Variants in GCKR observed in about 807,000 individuals in gnomAD.
GCKR encodes glucokinase regulator.
A neutral mutation model predicts 82.9 loss-of-function variants in GCKR; 73 were observed. The observed-to-expected ratio is 0.88, with a 90% confidence interval of 0.73 to 1.07. The LOEUF is 1.07. Ranked by LOEUF, GCKR falls within the 50% of genes least tolerant of loss-of-function variation. The pLI, the probability that GCKR is intolerant of heterozygous loss-of-function variation, is 0.00. For synonymous variants in GCKR, 294 were observed against 291.8 expected, an observed-to-expected ratio of 1.01 and a Z score of -0.08; for missense variants, 784 against 782.1, an observed-to-expected ratio of 1.00 and a Z score of -0.03.
At chr2:27,501,382 G>GT (rs2148580726) in intron 8 of GCKR, among the ~76,000 whole-genome samples, 153 bp downstream of exon 8, 1 of 152,342 alleles carries the variant, frequency 6.6e-6, no homozygotes, top group Non-Finnish European at 1.5e-5. Flanking sequence ...AGCTTATAAG[G>GT]TTTTTTGTTT....
Position 27,505,851 on chromosome 2 carries a change from G to A in GCKR, c.869+15G>A, listed in dbSNP as rs1324754028. The A allele has an allele frequency of 7.6e-7, 1 of 1,310,392 alleles. No homozygotes were observed. The highest frequency in any genetic ancestry group is 1.1e-6 in the Non-Finnish European group (1 of 902,536). The allele number at this position is 1,310,392 out of a possible 1,614,324, so 81.2% of individuals were successfully genotyped here. ...GCATCTCAAAGGTAGGGAGGATCTG[G>A]ATAAGAGAGAGCTCAGAGTCAGGCG... On this transcript the variant is annotated intron_variant, in intron 10 of 18. Coordinates refer to ENST00000264717, the MANE Select transcript of GCKR (RefSeq NM_001486.4).
intron 9 of GCKR, 50 bp from the exon 10 acceptor site, chr2:27,505,668 C>T (rs753840093): frequency 1.5e-5 from 14 of 964,086 alleles, no homozygotes; most frequent in Admixed American, 3.4e-5. Context: ...AAGTGGTCTA[C>T]GGGGTCTTCA....
intron 16 of GCKR, 138 bp downstream of exon 16, chr2:27,508,389 T>TGGGTTACC (rs1669803536): frequency 1.4e-6 from 1 of 695,564 alleles, no homozygotes; most frequent in East Asian, 2.6e-5. Flanking sequence ...GGCAAGGTCA[T>TGGGTTACC]GGGTTACCAG....
chr2:27,500,978 C>T (rs1381040998), intron 7 of GCKR, among the ~76,000 whole-genome samples, 157 bp from the exon 8 acceptor site: 1 of 152,236 alleles, frequency 6.6e-6, no homozygotes, highest in Non-Finnish European at 1.5e-5. Flanking sequence ...TTGTTAAAAA[C>T]GTGCTCCCCC....
In GCKR at chr2:27,506,883, C is replaced by A; in HGVS notation, c.1064C>A (p.Ala355Asp). Residue 355 changes from alanine (A) to aspartate (D), a missense_variant and splice_region_variant, in exon 12 of 19, where the codon GCT becomes GAT. Coordinates refer to ENST00000264717, the MANE Select transcript of GCKR (RefSeq NM_001486.4). ...DGVECIHTFG[A>D]DFRDVRGFLI... ...GTAGAGTGCATCCACACCTTTGGTG[C>A]TGGTGGGACCCCAGTCCAGATGTTC... is the stretch of plus-strand genomic sequence containing the variant. The A allele has an allele frequency of 6.3e-7, 1 of 1,585,816 alleles. No individual in the cohort carries two copies. The highest frequency in any genetic ancestry group is 8.7e-7 in the Non-Finnish European group (1 of 1,154,186).
chr2:27,506,389 G>A (rs952179466), intron 10 of GCKR, 92 bp from the exon 11 acceptor site: 1 of 836,114 alleles, frequency 1.2e-6, no homozygotes, highest in African/African-American at 1.7e-5. Context: ...AGTTCTAAGG[G>A]AGCTGTGCCT....
At chr2:27,513,997 G>A (rs1669947027) in intron 16 of GCKR, among the ~76,000 whole-genome samples, 1 of 150,436 alleles carries the variant, frequency 6.6e-6, no homozygotes, top group Non-Finnish European at 1.5e-5. Flanking sequence ...CAAAACCACT[G>A]ACCCAGGCTC....
At chr2:27,519,894 A>T (rs1430279306) in intron 17 of GCKR, among the ~76,000 whole-genome samples, 1 of 152,104 alleles carries the variant, frequency 6.6e-6, no homozygotes, top group Non-Finnish European at 1.5e-5. Flanking sequence ...TTACCTGAGC[A>T]TGGGGAAGCG....
intron 16 of GCKR, among the ~76,000 whole-genome samples, chr2:27,517,580 G>A (rs936937112): frequency 6.6e-6 from 1 of 152,150 alleles, no homozygotes; most frequent in African/African-American, 2.4e-5. Flanking sequence ...CTTGACACAT[G>A]GGGATTATGG....
At position 27,497,103 on chromosome 2, in the gene GCKR, G is replaced by A. The variant is rs143056729; in HGVS notation, c.60+139G>A. 51 of 1,232,194 alleles carry A rather than the reference G, an allele frequency of 4.1e-5. No individual in the cohort carries two copies. The African/African-American group carries it at 6.4e-4, about 15-fold the overall frequency. 76.3% of individuals were successfully genotyped at this position (1,232,194 alleles called of 1,614,324 possible). A position where few individuals can be genotyped will look rare whatever the true frequency, so the allele number is the denominator to read the frequency against. ...CCCTAATATGCCCAGAGCACCAAGT[G>A]CAGGCTGAGTTTCTGGTGTGGTATG... On this transcript the variant is annotated intron_variant, in intron 1 of 18. Coordinates refer to ENST00000264717, the MANE Select transcript of GCKR (RefSeq NM_001486.4).
chr2:27,501,102 C>G, intron 7 of GCKR, 33 bp from the exon 8 acceptor site: 1 of 1,434,372 alleles, frequency 7.0e-7, no homozygotes, highest in Non-Finnish European at 9.8e-7. Flanking sequence ...GTAATGACCC[C>G]CTCATCATGC....
At chr2:27,499,231 G>C (rs748234481) in intron 6 of GCKR, 23 bp downstream of exon 6, 1 of 1,546,910 alleles carries the variant, frequency 6.5e-7, no homozygotes, top group Non-Finnish European at 8.9e-7. Flanking sequence ...CACTGACATT[G>C]ACCAGAGACC....
At chr2:27,504,959 C>G (rs1227859120) in intron 9 of GCKR, among the ~76,000 whole-genome samples, 1 of 151,774 alleles carries the variant, frequency 6.6e-6, no homozygotes, top group Non-Finnish European at 1.5e-5. Context: ...AACCACGTCT[C>G]TACCAAAAAT....
intron 1 of GCKR, 26 bp from the exon 2 acceptor site, chr2:27,497,218 C>G (rs753155359): frequency 6.2e-7 from 1 of 1,614,096 alleles, no homozygotes; most frequent in South Asian, 1.1e-5. Flanking sequence ...GCTTCCTGCT[C>G]CATCCTTGTC....
intron 3 of GCKR, 69 bp from the exon 4 acceptor site, chr2:27,498,186 C>A: frequency 8.3e-7 from 1 of 1,210,858 alleles, no homozygotes; most frequent in Non-Finnish European, 1.2e-6. Flanking sequence ...GCATTACTGA[C>A]AAAGAAAAGA....
At position 27,508,040 on chromosome 2, in the gene GCKR, C is replaced by A. The variant is rs754264569; in HGVS notation, c.1304C>A (p.Ala435Asp). ...QVKEKTNHIQ[A>D]LAHSTVGQTL... Reference sequence around the variant, plus strand: ...AAAGAGAAGACCAACCACATCCAGGCCCTGGCACACAGCACCGTGGGTCAG... The same window carrying A: ...AAAGAGAAGACCAACCACATCCAGGACCTGGCACACAGCACCGTGGGTCAG... The change falls in exon 15 of 19, where the codon GCC becomes GAC. Residue 435 changes from alanine (A) to aspartate (D), a missense_variant. Physicochemically the swap from Ala to Asp is moderately radical, Grantham distance 126. Coordinates refer to ENST00000264717, the MANE Select transcript of GCKR (RefSeq NM_001486.4). The A allele has an allele frequency of 1.2e-6, 2 of 1,613,736 alleles. No homozygotes were observed. The highest frequency in any genetic ancestry group is 2.2e-5 in the South Asian group (2 of 91,064).
rs11679089 is a variant in GCKR at position 27,506,424 on chromosome 2, C to T, written c.870-57C>T. 2.6e-6 allele frequency: 3 copies of T among 1,175,392 alleles called. No homozygotes were observed. In the Admixed American group the frequency reaches 5.0e-5, roughly 20 times the overall value. 72.8% of individuals were successfully genotyped at this position (1,175,392 alleles called of 1,614,324 possible). ...TTCACCTCCCCGCTCAGGGAGGCAC[C>T]TAAGCTTTCTGAGGGGGAATTGGGC... On this transcript the variant is annotated intron_variant, in intron 10 of 18. Transcript: ENST00000264717.
At chr2:27,507,383 G>A in intron 13 of GCKR, 72 bp downstream of exon 13, 1 of 958,298 alleles carries the variant, frequency 1.0e-6, no homozygotes, top group Non-Finnish European at 1.7e-6. Context: ...AAAGGGGAAG[G>A]CGGAGCTAGG....
chr2:27,498,712 C>G lies in GCKR; in HGVS notation c.355-12C>G. 6.5e-7 allele frequency: 1 copy of G among 1,546,316 alleles called. No homozygotes were observed. Among genetic ancestry groups the G allele is most frequent in the Non-Finnish European group, 8.9e-7 (1 of 1,118,240 alleles). ...TGTCATTACCTCTTTACATCCTCTC[C>G]CTGCTTGACAGGTGTCCTTTAATCA... On this transcript the variant is annotated splice_polypyrimidine_tract_variant and intron_variant, in intron 4 of 18. Coordinates refer to ENST00000264717, the MANE Select transcript of GCKR (RefSeq NM_001486.4).
Sources: gnomAD v4.1 joint callset for allele counts (sites outside exome capture counted in the v4.1 genomes callset) on GRCh38, gnomAD v4.1.1 for gene constraint, MANE v1.5 for transcripts, NCBI Gene and HGNC (gene_info 2026-07-23, HGNC 2026-07-21) for gene names.